The following COL4A4 variants were observed in gnomAD, a reference collection of about 807,000 sequenced individuals.
COL4A4 encodes collagen type IV alpha 4 chain.
A neutral mutation model predicts 192.9 loss-of-function variants in COL4A4; 105 were observed. The observed-to-expected ratio is 0.54, with a 90% CI of 0.46 to 0.64. The LOEUF is 0.64. COL4A4 is among the 30% of genes least tolerant of loss of function. The pLI is 0.00. For missense variants in COL4A4, 1,967 were observed against 2,169.3 expected (o/e 0.91, Z 1.85); for synonymous variants, 762 against 769.9 (o/e 0.99, Z 0.17).
chr2:227,095,184 T>A (rs937118858), intron 19 of COL4A4, among the ~76,000 whole-genome samples: 1 of 152,250 alleles, frequency 6.6e-6, no homozygotes, highest in African/African-American at 2.4e-5. Context: ...TCAATCTTTC[T>A]ACCTTGATAA....
At chr2:227,057,662 G>T in intron 28 of COL4A4, 62 bp from the exon 29 acceptor site, 4 of 1,549,146 alleles carry the variant, frequency 2.6e-6, no homozygotes, top group Non-Finnish European at 3.6e-6. Flanking sequence ...GGCCCATGAT[G>T]AATTGTTCAC....
intron 4 of COL4A4, among the ~76,000 whole-genome samples, chr2:227,127,831 AT>A (rs1435647877): frequency 6.6e-6 from 1 of 152,254 alleles, no homozygotes; most frequent in Non-Finnish European, 1.5e-5. Flanking sequence ...GCCAGAAGGT[AT>A]AAATAAATGC....
intron 27 of COL4A4, 111 bp from the exon 28 acceptor site, chr2:227,059,734 A>T: frequency 1.2e-6 from 1 of 851,036 alleles, no homozygotes; most frequent in Non-Finnish European, 1.9e-6. Flanking sequence ...AGGGGTACTT[A>T]CTAAAATTAA....
At chr2:227,047,589 T>C (rs1472881257) in intron 34 of COL4A4, 40 bp from the exon 35 acceptor site, 1 of 1,424,100 alleles carries the variant, frequency 7.0e-7, no homozygotes, top group Non-Finnish European at 9.9e-7. Flanking sequence ...CTTTAGACAA[T>C]TTAATTTGGT....
chr2:227,147,546 T>C lies in COL4A4; in HGVS notation c.-63A>G. ...GTCTTCTCTTCCAGAAGGTTCTTGT[T>C]GACAAGTGAGGTTCTGTGTTCTGGG... On this transcript the variant is annotated 5_prime_UTR_variant, in exon 2 of 48. Coordinates refer to ENST00000396625, the MANE Select transcript of COL4A4 (RefSeq NM_000092.5). 1 of 1,472,374 alleles carries C rather than the reference T, an allele frequency of 6.8e-7. No homozygotes were observed. The highest frequency in any genetic ancestry group is 9.5e-7 in the Non-Finnish European group (1 of 1,055,406). The allele number at this position is 1,472,374 out of a possible 1,614,324, so 91.2% of individuals were successfully genotyped here. A position where few individuals can be genotyped will look rare whatever the true frequency, so the allele number is the denominator to read the frequency against.
chr2:227,026,971 TG>T (rs1966963461), intron 42 of COL4A4, among the ~76,000 whole-genome samples: 1 of 152,182 alleles, frequency 6.6e-6, no homozygotes, highest in Non-Finnish European at 1.5e-5. Flanking sequence ...ACAGTCTATG[TG>T]GGCCAAGCAC....
intron 37 of COL4A4, among the ~76,000 whole-genome samples, chr2:227,039,323 C>T (rs1307383512): frequency 1.3e-5 from 2 of 152,110 alleles, no homozygotes; most frequent in Non-Finnish European, 1.5e-5. Flanking sequence ...CCCGCCATCA[C>T]GCTCACCTAA....
At chr2:226,985,473 T>C in the COL4A4 span, among the ~76,000 whole-genome samples, 1 of 152,260 alleles carries the variant, frequency 6.6e-6, no homozygotes, top group Non-Finnish European at 1.5e-5. Flanking sequence ...GACTGGAATT[T>C]GTCCTAGTTT....
At chr2:226,995,702 G>C in the COL4A4 span, 1 of 602,580 alleles carries the variant, frequency 1.7e-6, no homozygotes, top group East Asian at 2.8e-5. Flanking sequence ...CACAGCTTGC[G>C]GGGAGTGGGC....
At position 227,087,388 on chromosome 2, in the gene COL4A4, T is replaced by C. The variant is rs115129974; in HGVS notation, c.1623+1265A>G. Among the ~76,000 whole-genome samples, 740 of 152,296 alleles carry C rather than the reference T, an allele frequency of 4.9e-3. 7 individuals are homozygous for C. The highest frequency in any genetic ancestry group is 0.017 in the African/African-American group (711 of 41,548). ...TAATAGGCATCTCAAACTTGAAATG[T>C]CTCAAACAGTACTGCTTTCTTTCCT... is the stretch of plus-strand genomic sequence containing the variant. On this transcript the variant is annotated intron_variant, in intron 22 of 47. Transcript: ENST00000396625.
chr2:227,041,724 AAGG>A (rs1172987386), intron 37 of COL4A4, among the ~76,000 whole-genome samples: 1 of 13,526 alleles, frequency 7.4e-5, no homozygotes, highest in African/African-American at 2.4e-4. Flanking sequence ...AGGGAGGAGG[AAGG>A]AAGGAAGGAA....
intron 34 of COL4A4, among the ~76,000 whole-genome samples, chr2:227,047,834 A>T (rs964527513): frequency 6.6e-6 from 1 of 151,826 alleles, no homozygotes; most frequent in Non-Finnish European, 1.5e-5. Context: ...TCCTGAAAAA[A>T]TTTTCAACTT....
chr2:227,059,831 C>T (rs1303472507), intron 27 of COL4A4, among the ~76,000 whole-genome samples: 1 of 152,010 alleles, frequency 6.6e-6, no homozygotes, highest in African/African-American at 2.4e-5. Flanking sequence ...ATGATGTTTC[C>T]CTAATTGCTT....
intron 1 of COL4A4, among the ~76,000 whole-genome samples, chr2:227,158,608 A>C (rs1338310072): frequency 6.6e-6 from 1 of 152,128 alleles, no homozygotes; most frequent in African/African-American, 2.4e-5. Flanking sequence ...ATATATAAAT[A>C]ACTCTTACTA....
At chr2:226,976,698 G>A in the COL4A4 span, among the ~76,000 whole-genome samples, 1 of 152,150 alleles carries the variant, frequency 6.6e-6, no homozygotes, top group Non-Finnish European at 1.5e-5. Flanking sequence ...GGAGGGTTAG[G>A]AGTACCTTAA....
chr2:227,111,772 T>G, intron 8 of COL4A4, 59 bp from the exon 9 acceptor site: 1 of 1,549,016 alleles, frequency 6.5e-7, no homozygotes. Flanking sequence ...ACAGAGATTA[T>G]GTAAAAATAG....
chr2:227,043,303 T>C (rs986238934), intron 35 of COL4A4, 119 bp from the exon 36 acceptor site: 40 of 842,048 alleles, frequency 4.8e-5, no homozygotes, highest in Admixed American at 3.0e-4. Flanking sequence ...AAATAGTTTC[T>C]ATTGGAAAGG....
At position 227,033,398 on chromosome 2, in the gene COL4A4, T is replaced by G; in HGVS notation, c.3577+12A>C. 1 of 1,602,322 alleles carries G rather than the reference T, an allele frequency of 6.2e-7. No homozygotes were observed. Among genetic ancestry groups the G allele is most frequent in the Non-Finnish European group, 8.5e-7 (1 of 1,169,974 alleles). ...TGAAGCTCAGTCTGTTACGAATCGA[T>G]TAGGTGCTTACCTGAAGCACCTTTA... On this transcript the variant is annotated intron_variant, in intron 38 of 47. Transcript: ENST00000396625.
intron 4 of COL4A4, among the ~76,000 whole-genome samples, chr2:227,126,229 A>G (rs1379744472): frequency 6.6e-6 from 1 of 152,248 alleles, no homozygotes; most frequent in Non-Finnish European, 1.5e-5. Context: ...TGCAGATACT[A>G]TGCAATTTCG....
Sources: allele counts gnomAD v4.1 joint callset (sites outside exome capture counted in the v4.1 genomes callset), GRCh38; gene constraint gnomAD v4.1.1; transcripts MANE v1.5; gene names NCBI Gene and HGNC (gene_info 2026-07-23, HGNC 2026-07-21).